Variants in RPS6KC1 observed in about 807,000 individuals in gnomAD.
The protein encoded by RPS6KC1 is ribosomal protein S6 kinase C1, also known as inactive ribosomal protein S6 kinase delta-1.
RPS6KC1 carries 54 observed loss-of-function variants against 103.8 expected under a neutral mutation model. The ratio of observed to expected loss-of-function variants is 0.52; its 90% CI spans 0.42 to 0.65. RPS6KC1 has a LOEUF of 0.65. Ranked by LOEUF, RPS6KC1 falls within the 30% of genes least tolerant of loss-of-function variation. RPS6KC1 has a pLI of 0.00. For missense variants in RPS6KC1, 1,151 were observed against 1,253.8 expected (o/e 0.92, Z 1.24); for synonymous variants, 439 against 438.7 (o/e 1.00, Z -0.01).
chr1:213,596,094 T>G, the RPS6KC1 span, among the ~76,000 whole-genome samples: 1 of 152,108 alleles, frequency 6.6e-6, no homozygotes, highest in African/African-American at 2.4e-5. Context: ...ATTGCCTGAG[T>G]TATGAAAATG....
the RPS6KC1 span, among the ~76,000 whole-genome samples, chr1:213,619,579 C>T: frequency 6.6e-6 from 1 of 152,196 alleles, no homozygotes; most frequent in Admixed American, 6.5e-5. Context: ...CTCACTAATT[C>T]AGCCTTGGAG....
the RPS6KC1 span, among the ~76,000 whole-genome samples, chr1:213,608,555 C>T: frequency 6.6e-6 from 1 of 151,926 alleles, no homozygotes. Flanking sequence ...CTCGTGGAAA[C>T]ATAAACCTGG....
intron 3 of RPS6KC1, among the ~76,000 whole-genome samples, chr1:213,096,765 T>C (rs1273868156): frequency 1.3e-5 from 2 of 152,178 alleles, no homozygotes; most frequent in Non-Finnish European, 2.9e-5. Flanking sequence ...CTTATTTTGC[T>C]TAGGTTTCTG....
At chr1:213,465,444 C>T in the RPS6KC1 span, among the ~76,000 whole-genome samples, 10 of 152,188 alleles carry the variant, frequency 6.6e-5, no homozygotes, top group Non-Finnish European at 1.3e-4. Context: ...GTATCACTCA[C>T]TAGTTTCCTG....
the RPS6KC1 span, among the ~76,000 whole-genome samples, chr1:213,549,225 G>A: frequency 6.6e-6 from 1 of 152,108 alleles, no homozygotes; most frequent in Admixed American, 6.5e-5. Context: ...CAGAAGGCAG[G>A]GACCCCTCAA....
the RPS6KC1 span, among the ~76,000 whole-genome samples, chr1:213,853,115 C>T: frequency 1.3e-5 from 2 of 152,172 alleles, no homozygotes; most frequent in African/African-American, 4.8e-5. Flanking sequence ...CTATGCTCTG[C>T]CAGTAAGTCT....
At chr1:213,467,260 A>G in the RPS6KC1 span, among the ~76,000 whole-genome samples, 1 of 152,364 alleles carries the variant, frequency 6.6e-6, no homozygotes, top group South Asian at 2.1e-4. Context: ...TGTTTAAACA[A>G]AATGGCTGGT....
At chr1:213,359,125 C>G in the RPS6KC1 span, among the ~76,000 whole-genome samples, 7 of 152,062 alleles carry the variant, frequency 4.6e-5, no homozygotes, top group East Asian at 9.6e-4. Flanking sequence ...AACTTTCTGT[C>G]TTGTTGATCT....
chr1:213,275,060 A>G (rs1277231791), downstream of RPS6KC1, among the ~76,000 whole-genome samples: 2 of 152,220 alleles, frequency 1.3e-5, no homozygotes, highest in Non-Finnish European at 2.9e-5. Context: ...GCAGAATCAT[A>G]CAATATTTGT....
chr1:213,114,916 G>A (rs1464782707), intron 4 of RPS6KC1, among the ~76,000 whole-genome samples: 1 of 152,154 alleles, frequency 6.6e-6, no homozygotes, highest in East Asian at 1.9e-4. Flanking sequence ...CTTGATCATG[G>A]TGGATAAGCT....
At chr1:213,388,222 G>A in the RPS6KC1 span, among the ~76,000 whole-genome samples, 2 of 152,224 alleles carry the variant, frequency 1.3e-5, no homozygotes, top group Admixed American at 6.5e-5. Flanking sequence ...CCCCACTAAA[G>A]GAGCAAGGAC....
chr1:213,193,201 ATC>A (rs2092814791), intron 8 of RPS6KC1, among the ~76,000 whole-genome samples: 1 of 152,058 alleles, frequency 6.6e-6, no homozygotes, highest in South Asian at 2.1e-4. Flanking sequence ...TTCTGTAAAT[ATC>A]TGTTAGGTCC....
At chr1:213,661,238 G>T in the RPS6KC1 span, among the ~76,000 whole-genome samples, 1 of 152,152 alleles carries the variant, frequency 6.6e-6, no homozygotes, top group Non-Finnish European at 1.5e-5. Flanking sequence ...CCCAATTACT[G>T]CTACGTGAAC....
the RPS6KC1 span, among the ~76,000 whole-genome samples, chr1:213,368,400 G>T: frequency 0.031 from 4,695 of 152,256 alleles, 255 homozygotes; most frequent in African/African-American, 0.11. Flanking sequence ...GTAGGTCCTT[G>T]TGAGTTCCGC....
At chr1:213,729,493 G>T in the RPS6KC1 span, among the ~76,000 whole-genome samples, 3 of 152,032 alleles carry the variant, frequency 2.0e-5, no homozygotes, top group Non-Finnish European at 4.4e-5. Flanking sequence ...GCTTCCTTGG[G>T]CTTAAACTGG....
the RPS6KC1 span, among the ~76,000 whole-genome samples, chr1:213,772,359 A>G: frequency 6.6e-6 from 1 of 152,228 alleles, no homozygotes; most frequent in African/African-American, 2.4e-5. Context: ...CACAATGGCA[A>G]ATAGAAACAT....
At chr1:213,311,950 T>G in the RPS6KC1 span, among the ~76,000 whole-genome samples, 2 of 145,784 alleles carry the variant, frequency 1.4e-5, no homozygotes, top group African/African-American at 5.1e-5. Flanking sequence ...CAGGCTGGAG[T>G]GCAGTGGTGC....
intron 3 of RPS6KC1, among the ~76,000 whole-genome samples, chr1:213,083,908 C>T (rs1457861508): frequency 6.6e-6 from 1 of 152,112 alleles, no homozygotes; most frequent in Non-Finnish European, 1.5e-5. Context: ...CTCATGCTCC[C>T]ACCTCCCCTC....
At chr1:213,091,674 C>G (rs2080977166) in intron 3 of RPS6KC1, among the ~76,000 whole-genome samples, 1 of 152,128 alleles carries the variant, frequency 6.6e-6, no homozygotes, top group East Asian at 1.9e-4. Context: ...TCACAGATTT[C>G]TAAGGAAAAA....
Sources: allele counts gnomAD v4.1 joint callset (sites outside exome capture counted in the v4.1 genomes callset), GRCh38; gene constraint gnomAD v4.1.1; transcripts MANE v1.5; gene names NCBI Gene and HGNC (gene_info 2026-07-23, HGNC 2026-07-21).